SAMSN1: variants seen among roughly 807,000 people sequenced by gnomAD.
SAMSN1 encodes the protein SAM domain-containing protein SAMSN-1.
In SAMSN1, 31 loss-of-function variants were observed where a neutral mutation model predicts 42.0. The observed-to-expected ratio is 0.74, with a 90% confidence interval of 0.55 to 1.00. SAMSN1 has a LOEUF of 1.00. Ranked by LOEUF, SAMSN1 falls within the 50% of genes least tolerant of loss-of-function variation. SAMSN1 has a pLI of 0.00. For synonymous variants in SAMSN1, 178 were observed against 151.9 expected (o/e 1.17, Z -1.26); for missense variants, 464 against 439.4 (o/e 1.06, Z -0.50).
chr21:14,503,811 T>C (rs1712497278), intron 5 of SAMSN1, among the ~76,000 whole-genome samples: 1 of 152,132 alleles, frequency 6.6e-6, no homozygotes, highest in African/African-American at 2.4e-5. Context: ...TTAGGAAACC[T>C]GGGAGGACTC....
chr21:14,572,135 AT>A lies in SAMSN1; in HGVS notation c.261+10000del, dbSNP rs1981321474. 2.0e-5 allele frequency among the ~76,000 whole-genome samples: 3 copies of A among 152,196 alleles called. 1 individual carries two copies. The East Asian group carries it at 5.8e-4, about 29-fold the overall frequency. Reference sequence around the variant, plus strand: ...TGCTGTTGTTACTGAATGACAAATAATTAGAAACATATAATAATAAATTATA... The same window carrying A: ...TGCTGTTGTTACTGAATGACAAATAATAGAAACATATAATAATAAATTATA... On this transcript the variant is annotated intron_variant, in intron 2 of 8. Transcript: ENST00000285670.
chr21:14,592,587 G>T, intron 7 of SAMSN1: 1 of 341,006 alleles, frequency 2.9e-6, no homozygotes. Context: ...TATCCTTGGG[G>T]ACATTTGACT....
chr21:14,654,438 GACA>G (rs1983883042), intron 1 of SAMSN1, among the ~76,000 whole-genome samples: 1 of 151,960 alleles, frequency 6.6e-6, no homozygotes, highest in Non-Finnish European at 1.5e-5. Flanking sequence ...TAAAGTTTTA[GACA>G]TATTAAGCTC....
At chr21:14,514,222 C>T (rs1987809623) in intron 3 of SAMSN1, among the ~76,000 whole-genome samples, 2 of 152,168 alleles carry the variant, frequency 1.3e-5, no homozygotes, top group Admixed American at 6.5e-5. Flanking sequence ...CTTCCTTTTC[C>T]TCATCCTTTT....
intron 2 of SAMSN1, among the ~76,000 whole-genome samples, chr21:14,580,283 G>A (rs1210909004): frequency 6.6e-6 from 1 of 152,226 alleles, no homozygotes; most frequent in African/African-American, 2.4e-5. Context: ...TAAGGTGGGG[G>A]TAGTGCACAG....
intron 1 of SAMSN1, among the ~76,000 whole-genome samples, chr21:14,524,459 A>G (rs1978701544): frequency 6.6e-6 from 1 of 152,184 alleles, no homozygotes; most frequent in East Asian, 1.9e-4. Flanking sequence ...GATCATATTT[A>G]GTCTTTATAC....
chr21:14,656,482 T>G (rs575047239), intron 1 of SAMSN1, among the ~76,000 whole-genome samples: 1 of 151,752 alleles, frequency 6.6e-6, no homozygotes, highest in East Asian at 1.9e-4. Context: ...ACATGTTAAA[T>G]GCAATAACTA....
At position 14,500,709 on chromosome 21, in the gene SAMSN1, G is replaced by A; in HGVS notation, c.588C>T (p.Cys196=). ...IKKGDIIDII[C]KTPMGMWTGM... is the part of the protein sequence containing the mutation. The stretch of plus-strand genomic sequence containing the variant: ...CTGTCCACATCCCCATTGGTGTTTT[G>A]CAAATAATGTCTATGATGTCTCCTT... The change falls in exon 6 of 8, where the codon TGC becomes TGT. Residue 196 remains cysteine, a synonymous_variant. Transcript: ENST00000400566. 6.2e-7 allele frequency: 1 copy of A among 1,613,788 alleles called. No individual in the cohort carries two copies. Among genetic ancestry groups the A allele is most frequent in the Non-Finnish European group, 8.5e-7 (1 of 1,179,780 alleles).
rs533990185 is a variant in SAMSN1 at position 14,596,956 on chromosome 21, C to T, written c.400-2878G>A. Among the ~76,000 whole-genome samples, 7 of 152,060 alleles carry T rather than the reference C, an allele frequency of 4.6e-5. No homozygotes were observed. The East Asian group carries it at 7.7e-4, about 17-fold the overall frequency. ...CTAAATTTTAAAGTAATTTGTTATG[C>T]GTCAATAGATTTGTAATACAATAGT... On this transcript the variant is annotated intron_variant, in intron 6 of 15. Transcript: ENST00000647101.
At chr21:14,640,160 T>C (rs1337610806) in intron 2 of SAMSN1, among the ~76,000 whole-genome samples, 1 of 152,182 alleles carries the variant, frequency 6.6e-6, no homozygotes, top group African/African-American at 2.4e-5. Context: ...AAGGGTGAAA[T>C]TCCTAGTAAG....
At chr21:14,608,310 G>A (rs1484517706) in intron 5 of SAMSN1, among the ~76,000 whole-genome samples, 4 of 152,222 alleles carry the variant, frequency 2.6e-5, no homozygotes, top group Admixed American at 6.5e-5. Context: ...GCTTGGGGAA[G>A]GGAGAGCAAA....
chr21:14,536,854 T>C (rs1302369774), intron 1 of SAMSN1, among the ~76,000 whole-genome samples: 1 of 152,214 alleles, frequency 6.6e-6, no homozygotes, highest in East Asian at 1.9e-4. Context: ...AGACAGCATG[T>C]AGTAAGTTAC....
chr21:14,627,503 CAG>C lies in SAMSN1; in HGVS notation c.157-11489_157-11488del, dbSNP rs997780343. On this transcript the variant is annotated intron_variant, in intron 2 of 15. Coordinates refer to the SAMSN1 transcript ENST00000647101. ...TAGATATGCTCAAGATGGAAGCACT[CAG>C]AGTGTGACTTGATCTGACTCCAAAC... is the stretch of plus-strand genomic sequence containing the variant. 6.8e-4 allele frequency among the ~76,000 whole-genome samples: 103 copies of C among 152,280 alleles called. No individual in the cohort carries two copies. The Middle Eastern group carries it at 0.01, about 15-fold the overall frequency.
intron 2 of SAMSN1, among the ~76,000 whole-genome samples, chr21:14,552,293 T>C (rs1168900732): frequency 1.3e-5 from 2 of 152,158 alleles, no homozygotes; most frequent in South Asian, 2.1e-4. Flanking sequence ...ATGAGACTTA[T>C]GCACACTTTA....
intron 3 of SAMSN1, among the ~76,000 whole-genome samples, chr21:14,516,240 G>C (rs1054298144): frequency 2.0e-5 from 3 of 152,204 alleles, no homozygotes; most frequent in Non-Finnish European, 1.5e-5. Context: ...TAATCACTAA[G>C]TGATAAATGG....
chr21:14,486,203 T>C, intron 7 of SAMSN1, 89 bp from the exon 8 acceptor site: 1 of 860,542 alleles, frequency 1.2e-6, no homozygotes, highest in Non-Finnish European at 1.9e-6. Context: ...TATCCTATTT[T>C]AACTGTTCTA....
chr21:14,597,992 C>A (rs1474518094), intron 6 of SAMSN1: 3 of 152,132 alleles, frequency 2.0e-5, no homozygotes, highest in African/African-American at 7.2e-5. Flanking sequence ...CATGGCCACC[C>A]CTAACTACTG....
intron 6 of SAMSN1, among the ~76,000 whole-genome samples, chr21:14,600,842 T>C (rs1808172300): frequency 6.6e-6 from 1 of 152,126 alleles, no homozygotes; most frequent in African/African-American, 2.4e-5. Context: ...CAGCTGTGCT[T>C]GTGCAAGTCT....
chr21:14,627,409 T>G lies in SAMSN1; in HGVS notation c.157-11393A>C, dbSNP rs540914156. Among the ~76,000 whole-genome samples, 91 of 152,316 alleles carry G rather than the reference T, an allele frequency of 6.0e-4. 1 individual carries two copies. The highest frequency in any genetic ancestry group is 2.1e-3 in the African/African-American group (88 of 41,572). ...CCAAAATTTTTCACCAAATTTTACT[T>G]CCTCATAGACTCCTGGAAAACAAAA... On this transcript the variant is annotated intron_variant, in intron 2 of 15. Transcript: ENST00000647101.
Sources: allele counts gnomAD v4.1 joint callset (sites outside exome capture counted in the v4.1 genomes callset), GRCh38; gene constraint gnomAD v4.1.1; transcripts MANE v1.5; gene names NCBI Gene and HGNC (gene_info 2026-07-23, HGNC 2026-07-21).